SYNRG: variants seen among roughly 807,000 people sequenced by gnomAD.
SYNRG encodes synergin gamma.
A neutral mutation model predicts 130.9 loss-of-function variants in SYNRG; 37 were observed. That is an observed-to-expected ratio of 0.28 (90% CI 0.22 to 0.37). The LOEUF is 0.37. Among genes scored for constraint, SYNRG ranks in the 10% least tolerant of loss-of-function variants. The pLI is 1.00. For missense variants in SYNRG, 1,338 were observed against 1,588.9 expected (o/e 0.84, Z 2.68); for synonymous variants, 539 against 568.1 (o/e 0.95, Z 0.73).
intron 11 of SYNRG, among the ~76,000 whole-genome samples, chr17:37,565,418 C>A (rs566697799): frequency 6.6e-6 from 1 of 152,300 alleles, no homozygotes; most frequent in South Asian, 2.1e-4. Flanking sequence ...CAGCCGCCTG[C>A]CTTGGCCTCC....
intron 14 of SYNRG, among the ~76,000 whole-genome samples, chr17:37,543,010 A>C (rs2057914179): frequency 6.6e-6 from 1 of 152,230 alleles, no homozygotes; most frequent in South Asian, 2.1e-4. Flanking sequence ...CAAAATAATT[A>C]AAAGTTGACA....
chr17:37,585,284 G>C (rs1447757634), intron 5 of SYNRG, 41 bp downstream of exon 5: 1 of 1,483,222 alleles, frequency 6.7e-7, no homozygotes, highest in Non-Finnish European at 9.3e-7. Context: ...GCACATTCAG[G>C]GTGTGTATGT....
intron 19 of SYNRG, among the ~76,000 whole-genome samples, chr17:37,531,851 T>G (rs8070034): frequency 0.21 from 31,636 of 152,120 alleles, 3,512 homozygotes; most frequent in Admixed American, 0.32. Flanking sequence ...CAGATTTCCT[T>G]CAAGCCCTGT....
chr17:37,598,621 T>C, intron 2 of SYNRG, among the ~76,000 whole-genome samples: 1 of 152,226 alleles, frequency 6.6e-6, no homozygotes, highest in Non-Finnish European at 1.5e-5. Flanking sequence ...GGCCATGACC[T>C]TGCTGTCGGT....
chr17:37,534,600 A>G (rs1407754860), intron 19 of SYNRG, among the ~76,000 whole-genome samples: 1 of 152,134 alleles, frequency 6.6e-6, no homozygotes, highest in Non-Finnish European at 1.5e-5. Context: ...TCAAATATTA[A>G]TACTCCATTT....
chr17:37,551,796 A>AG (rs1446456229), intron 14 of SYNRG, among the ~76,000 whole-genome samples: 2 of 151,426 alleles, frequency 1.3e-5, no homozygotes, highest in Admixed American at 6.6e-5. Context: ...TAAAAAAAAA[A>AG]AACCAACAAA....
chr17:37,585,569 T>C (rs1410235650), intron 4 of SYNRG, 139 bp from the exon 5 acceptor site: 20 of 607,242 alleles, frequency 3.3e-5, no homozygotes, highest in Non-Finnish European at 5.1e-5. Context: ...CTAGTTTTCT[T>C]ACGACAATCC....
At chr17:37,572,013 A>G (rs752386749) in intron 8 of SYNRG, 26 bp from the exon 9 acceptor site, 2 of 1,574,020 alleles carry the variant, frequency 1.3e-6, no homozygotes, top group South Asian at 2.3e-5. Context: ...CCAGATTACA[A>G]ATGGAAACAC....
At chr17:37,601,560 T>C (rs1023497370) in intron 1 of SYNRG, among the ~76,000 whole-genome samples, 1 of 152,200 alleles carries the variant, frequency 6.6e-6, no homozygotes, top group Non-Finnish European at 1.5e-5. Flanking sequence ...TTCCAGAACC[T>C]TTCCATCATC....
Position 37,522,820 on chromosome 17 carries a change from G to C in SYNRG, c.3667-2172C>G, listed in dbSNP as rs759563706. 2.6e-5 allele frequency among the ~76,000 whole-genome samples: 4 copies of C among 151,834 alleles called. No homozygotes were observed. In the East Asian group the frequency reaches 7.8e-4, roughly 30 times the overall value. On this transcript the variant is annotated intron_variant, in intron 19 of 21. Coordinates refer to ENST00000612223, the MANE Select transcript of SYNRG (RefSeq NM_007247.6). ...CACACCTGGCTAATTTTTGTATTTT[G>C]AGTAGAGACGGGGTTTCACCATATT...
chr17:37,599,805 C>A (rs990644808), intron 2 of SYNRG, among the ~76,000 whole-genome samples: 6 of 152,064 alleles, frequency 3.9e-5, no homozygotes, highest in African/African-American at 1.4e-4. Flanking sequence ...CTTTTAATTT[C>A]AAAATTATAT....
chr17:37,590,117 G>T lies in SYNRG; in HGVS notation c.241-3568C>A, dbSNP rs185851616. Among the ~76,000 whole-genome samples the T allele has an allele frequency of 3.4e-3, 511 of 150,810 alleles. 1 individual carries two copies. Among genetic ancestry groups the T allele is most frequent in the Non-Finnish European group, 6.0e-3 (405 of 67,776 alleles). On this transcript the variant is annotated intron_variant, in intron 3 of 21. Coordinates refer to ENST00000612223, the MANE Select transcript of SYNRG (RefSeq NM_007247.6). ...GCCCGGGAGGCGGCAGCTGCAGTGAGCTGAGATTGCGCCACATTCCAGCCT... is the reference window on the plus strand; with the variant it reads ...GCCCGGGAGGCGGCAGCTGCAGTGATCTGAGATTGCGCCACATTCCAGCCT...
At chr17:37,543,432 A>G (rs1252443666) in intron 14 of SYNRG, among the ~76,000 whole-genome samples, 1 of 152,210 alleles carries the variant, frequency 6.6e-6, no homozygotes, top group Non-Finnish European at 1.5e-5. Context: ...AAAACAGCAT[A>G]AAGAATGTAG....
chr17:37,555,230 G>GA (rs2059025058), intron 13 of SYNRG, among the ~76,000 whole-genome samples: 1 of 151,924 alleles, frequency 6.6e-6, no homozygotes. Context: ...AGGTTCAAGC[G>GA]ATTCTCCTGC....
chr17:37,515,054 A>G lies in SYNRG; in HGVS notation c.*3886T>C, dbSNP rs2143233247. 1 of 152,374 alleles carries G rather than the reference A, an allele frequency of 6.6e-6. No individual in the cohort carries two copies. Among genetic ancestry groups the G allele is most frequent in the Admixed American group, 6.5e-5 (1 of 15,304 alleles). 9.4% of individuals were successfully genotyped at this position (152,374 alleles called of 1,614,324 possible). ...TTCACTGGTTAATAAAGCCACAGCT[A>G]CAAAGTAATGAGATGTCCCACATGA... On this transcript the variant is annotated 3_prime_UTR_variant, in exon 22 of 22. Transcript: ENST00000612223.
chr17:37,570,928 A>G lies in SYNRG; in HGVS notation c.1099-43T>C. ...AAAATGGATTAGAGGATTGTAAACC[A>G]CATACGGTCGAAATCTGGCAGAGAC... On this transcript the variant is annotated intron_variant, in intron 9 of 21. Transcript: ENST00000612223. The G allele has an allele frequency of 1.3e-6, 2 of 1,567,792 alleles. 1 individual carries two copies. Among genetic ancestry groups the G allele is most frequent in the Admixed American group, 3.8e-5 (2 of 52,582 alleles).
chr17:37,541,379 G>A, intron 15 of SYNRG: 1 of 473,632 alleles, frequency 2.1e-6, no homozygotes, highest in South Asian at 8.9e-5. Flanking sequence ...TGGTAGGAGA[G>A]AGAGAATGAC....
rs1249305246 is a variant in SYNRG, at chr17:37,586,509, G to C, written c.281C>G (p.Pro94Arg). 6.2e-7 allele frequency: 1 copy of C among 1,614,194 alleles called. No individual in the cohort carries two copies. The highest frequency in any genetic ancestry group is 8.5e-7 in the Non-Finnish European group (1 of 1,180,032). ...CAGGAAGGGTGCTTGTCCTAGGTAA[G>C]GCATTCCCGCTGCTGGCATTGGTCC... ...PMGPMPAAGM[P>R]YLGQAPFLGM... The change falls in exon 4 of 22, where the codon CCT becomes CGT. Residue 94 changes from proline to arginine, a missense_variant. This residue lies in a region of SYNRG where 184 missense variants were observed against 217.2 expected (regional missense o/e 0.85). Coordinates refer to ENST00000612223, the MANE Select transcript of SYNRG (RefSeq NM_007247.6).
At chr17:37,601,797 T>C (rs1457811180) in intron 1 of SYNRG, among the ~76,000 whole-genome samples, 2 of 152,070 alleles carry the variant, frequency 1.3e-5, no homozygotes, top group East Asian at 3.9e-4. Flanking sequence ...CCTATGTAGC[T>C]GGGACTACAG....
Sources: gnomAD v4.1 joint callset for allele counts (sites outside exome capture counted in the v4.1 genomes callset) on GRCh38, gnomAD v4.1.1 for gene constraint, gnomAD v4.1.1 regional missense constraint, MANE v1.5 for transcripts, NCBI Gene and HGNC (gene_info 2026-07-23, HGNC 2026-07-21) for gene names.